LRRC49: variants seen among roughly 807,000 people sequenced by gnomAD.
LRRC49 encodes leucine-rich repeat-containing protein 49.
A neutral mutation model predicts 83.3 loss-of-function variants in LRRC49; 50 were observed. That is an observed-to-expected ratio of 0.60 (90% CI 0.48 to 0.76). The LOEUF (loss-of-function observed/expected upper bound fraction) is 0.76, where lower values mean the gene tolerates loss of function less well. LRRC49 is among the 30% of genes least tolerant of loss of function. LRRC49 has a pLI of 0.00. For synonymous variants in LRRC49, 286 were observed against 283.3 expected, an observed-to-expected ratio of 1.01 and a Z score of -0.10; for missense variants, 704 against 809.1, an observed-to-expected ratio of 0.87 and a Z score of 1.58.
chr15:70,940,122 T>C (rs536654559), intron 8 of LRRC49, among the ~76,000 whole-genome samples: 2 of 152,238 alleles, frequency 1.3e-5, no homozygotes, highest in African/African-American at 4.8e-5. Context: ...AGTCACCCTA[T>C]ATCAATTATA....
At chr15:71,041,224 A>C (rs1054087459) in intron 15 of LRRC49, among the ~76,000 whole-genome samples, 2 of 152,202 alleles carry the variant, frequency 1.3e-5, no homozygotes, top group African/African-American at 4.8e-5. Flanking sequence ...CAGGACTAGA[A>C]CACCAGTGCA....
At chr15:70,939,349 CAG>C (rs1191909910) in intron 8 of LRRC49, among the ~76,000 whole-genome samples, 1 of 152,098 alleles carries the variant, frequency 6.6e-6, no homozygotes, top group African/African-American at 2.4e-5. Flanking sequence ...ATTCCTCAAA[CAG>C]AAATATTTTT....
chr15:70,956,714 G>A (rs2036415190), intron 8 of LRRC49, among the ~76,000 whole-genome samples: 1 of 152,026 alleles, frequency 6.6e-6, no homozygotes, highest in Admixed American at 6.5e-5. Context: ...AAAATCATAT[G>A]GTCTTTGTCA....
chr15:70,906,914 C>T (rs1220974016), intron 5 of LRRC49, among the ~76,000 whole-genome samples: 2 of 152,118 alleles, frequency 1.3e-5, no homozygotes, highest in African/African-American at 2.4e-5. Flanking sequence ...AGTTCTAGAA[C>T]TATTAGTGTT....
At chr15:70,997,569 G>A (rs1225120700) in intron 11 of LRRC49, among the ~76,000 whole-genome samples, 2 of 152,204 alleles carry the variant, frequency 1.3e-5, no homozygotes, top group East Asian at 3.9e-4. Context: ...TGGCCAACAT[G>A]GCGAAACCCC....
intron 11 of LRRC49, among the ~76,000 whole-genome samples, chr15:71,001,643 A>G (rs1030144976): frequency 7.3e-5 from 11 of 151,618 alleles, no homozygotes; most frequent in African/African-American, 9.7e-5. Context: ...CTATTCTTCA[A>G]TGGGGTCTTG....
Position 70,963,895 on chromosome 15 carries a change from T to C in LRRC49, c.884T>C (p.Met295Thr). The change falls in exon 9 of 16, where the codon ATG becomes ACG. Residue 295 changes from methionine (M) to threonine (T), a missense_variant. Transcript: ENST00000260382. ...TACAAACACACTGTCCTTCAGAATATGATGCAGCTGCGCCAGCTAGATATG... is the reference window on the plus strand; with the variant it reads ...TACAAACACACTGTCCTTCAGAATACGATGCAGCTGCGCCAGCTAGATATG... ...SWYKHTVLQN[M>T]MQLRQLDMKR... is the part of the protein sequence containing the mutation. The C allele has an allele frequency of 6.2e-7, 1 of 1,613,478 alleles. No homozygotes were observed. Among genetic ancestry groups the C allele is most frequent in the South Asian group, 1.1e-5 (1 of 90,984 alleles).
intron 15 of LRRC49, among the ~76,000 whole-genome samples, chr15:71,045,089 C>T (rs1010680998): frequency 6.6e-6 from 1 of 151,584 alleles, no homozygotes; most frequent in Non-Finnish European, 1.5e-5. Flanking sequence ...AGAGACGGGG[C>T]TTCACCATGT....
chr15:70,954,008 C>A (rs931043567), intron 8 of LRRC49, among the ~76,000 whole-genome samples: 2 of 152,090 alleles, frequency 1.3e-5, no homozygotes, highest in Non-Finnish European at 2.9e-5. Context: ...GATTCTCCAG[C>A]CTCAGTCTCC....
At chr15:70,945,341 A>G (rs956835563) in intron 8 of LRRC49, among the ~76,000 whole-genome samples, 2 of 152,178 alleles carry the variant, frequency 1.3e-5, no homozygotes, top group African/African-American at 2.4e-5. Context: ...GTCCAGTTTC[A>G]TAGTTGTTTA....
Position 70,895,839 on chromosome 15 carries a change from T to C in LRRC49, c.106-10T>C, listed in dbSNP as rs749935801. On this transcript the variant is annotated splice_polypyrimidine_tract_variant and intron_variant, in intron 2 of 15. Transcript: ENST00000260382. ...CTCCAAATATTTTTTTCTTTAATAA[T>C]GTTTTTCAGGTTGAATTCAAGCTAA... The C allele has an allele frequency of 1.3e-6, 2 of 1,573,592 alleles. No individual in the cohort carries two copies. Among genetic ancestry groups the C allele is most frequent in the South Asian group, 2.3e-5 (2 of 86,396 alleles).
chr15:70,951,695 T>C (rs2036222479), intron 8 of LRRC49, among the ~76,000 whole-genome samples: 1 of 152,146 alleles, frequency 6.6e-6, no homozygotes, highest in African/African-American at 2.4e-5. Context: ...TAGAATTATA[T>C]TGTCCATGCA....
chr15:70,868,076 T>C (rs2032950859), intron 1 of LRRC49, among the ~76,000 whole-genome samples: 1 of 152,074 alleles, frequency 6.6e-6, no homozygotes, highest in African/African-American at 2.4e-5. Flanking sequence ...GGGGTGCTAA[T>C]GGCTTGGAGG....
chr15:71,025,070 G>C (rs1235539546), intron 14 of LRRC49, among the ~76,000 whole-genome samples: 1 of 152,328 alleles, frequency 6.6e-6, no homozygotes, highest in East Asian at 1.9e-4. Flanking sequence ...ACCTACAGCT[G>C]ACTGGGGAAC....
At chr15:70,868,903 TA>T (rs1219024329) in intron 1 of LRRC49, among the ~76,000 whole-genome samples, 3 of 152,152 alleles carry the variant, frequency 2.0e-5, no homozygotes, top group African/African-American at 7.2e-5. Flanking sequence ...TGGCAGTAAA[TA>T]AATATTTGTA....
chr15:70,959,580 AG>A (rs1567070851), intron 8 of LRRC49, among the ~76,000 whole-genome samples: 1 of 145,852 alleles, frequency 6.9e-6, no homozygotes, highest in Non-Finnish European at 1.5e-5. Flanking sequence ...GAAGGAAGGA[AG>A]GAAGGAAGGA....
chr15:70,982,236 C>G (rs765091298), intron 10 of LRRC49, among the ~76,000 whole-genome samples: 3 of 152,006 alleles, frequency 2.0e-5, no homozygotes, highest in Non-Finnish European at 4.4e-5. Context: ...GTATTTCTTT[C>G]GCCTACCCCT....
At chr15:70,943,175 T>G (rs942061920) in intron 8 of LRRC49, among the ~76,000 whole-genome samples, 12 of 152,056 alleles carry the variant, frequency 7.9e-5, no homozygotes, top group Admixed American at 3.3e-4. Flanking sequence ...ATTTTTAGTT[T>G]AGTTTTTTTT....
At chr15:70,863,695 GC>G (rs1457272105) in intron 1 of LRRC49, among the ~76,000 whole-genome samples, 1 of 152,244 alleles carries the variant, frequency 6.6e-6, no homozygotes, top group Non-Finnish European at 1.5e-5. Flanking sequence ...GGACAGAGTA[GC>G]GTCTGATATG....
Sources: gnomAD v4.1 joint callset for allele counts (sites outside exome capture counted in the v4.1 genomes callset) on GRCh38, gnomAD v4.1.1 for gene constraint, MANE v1.5 for transcripts, NCBI Gene and HGNC (gene_info 2026-07-23, HGNC 2026-07-21) for gene names.